The following EDAR variants were observed in gnomAD, a reference collection of about 807,000 sequenced individuals.
EDAR encodes the protein ectodysplasin A receptor.
Under a neutral mutation model 51.3 loss-of-function variants are expected in EDAR, and 38 were observed. The observed-to-expected ratio is 0.74, with a 90% CI of 0.57 to 0.97. The LOEUF is 0.97. Among genes scored for constraint, EDAR ranks in the 50% least tolerant of loss-of-function variants. EDAR has a pLI of 0.00. For synonymous variants in EDAR, 227 were observed against 242.1 expected, an observed-to-expected ratio of 0.94 and a Z score of 0.58; for missense variants, 528 against 595.0, an observed-to-expected ratio of 0.89 and a Z score of 1.17.
At chr2:108,907,758 A>G in intron 10 of EDAR, 102 bp downstream of exon 10, 1 of 1,383,734 alleles carries the variant, frequency 7.2e-7, no homozygotes, top group Non-Finnish European at 1.0e-6. Flanking sequence ...TGGGAGAAAC[A>G]CCCCGTCTTG....
At chr2:108,903,449 A>T (rs1313304110) in intron 11 of EDAR, among the ~76,000 whole-genome samples, 1 of 152,176 alleles carries the variant, frequency 6.6e-6, no homozygotes, top group Non-Finnish European at 1.5e-5. Context: ...TGAAAAAAAA[A>T]TAAAGGAAAA....
intron 1 of EDAR, among the ~76,000 whole-genome samples, chr2:108,943,100 A>G (rs1697640360): frequency 6.6e-6 from 1 of 152,162 alleles, no homozygotes; most frequent in Non-Finnish European, 1.5e-5. Context: ...GAGTCCCAGC[A>G]TGAAGCAAAG....
chr2:108,930,242 C>G lies in EDAR; in HGVS notation c.52G>C (p.Val18Leu). 1.9e-6 allele frequency: 3 copies of G among 1,614,102 alleles called. No homozygotes were observed. Among genetic ancestry groups the G allele is most frequent in the Non-Finnish European group, 1.7e-6 (2 of 1,180,016 alleles). ...GCTCGGGCTGAGCACATCAGAGACACCTGCCAACAAAGGGGGGTGTTGTGG... is the reference window on the plus strand; with the variant it reads ...GCTCGGGCTGAGCACATCAGAGACAGCTGCCAACAAAGGGGGGTGTTGTGG... ...TQTPWLPVLV[V>L]SLMCSARAEY... is the part of the protein sequence containing the mutation. Residue 18 changes from valine (V) to leucine (L), a missense_variant and splice_region_variant, in exon 3 of 12, where the codon GTG becomes CTG. Transcript: ENST00000258443.
In EDAR at chr2:108,912,694, G is replaced by A. The variant is rs765147807; in HGVS notation, c.513C>T (p.Phe171=). Residue 171 remains phenylalanine (F), a synonymous_variant, in exon 6 of 12, where the codon TTC becomes TTT. Transcript: ENST00000258443. The stretch of plus-strand genomic sequence containing the variant: ...CCTCCTCACCTTTGTGGGCGTGCTG[G>A]AAGGGAGACAGGGTGCTGCTGCCCG... The part of the protein sequence containing the change: ...GTSGSSTLSP[F]QHAHKELSGQ... 4 of 1,597,856 alleles carry A rather than the reference G, an allele frequency of 2.5e-6. No individual in the cohort carries two copies. The highest frequency in any genetic ancestry group is 3.4e-5 in the Admixed American group (2 of 58,004).
intron 6 of EDAR, among the ~76,000 whole-genome samples, chr2:108,911,469 C>T (rs78382842): frequency 0.033 from 4,954 of 152,218 alleles, 262 homozygotes; most frequent in African/African-American, 0.11. Context: ...AGTCAGGATG[C>T]GAAAGTCAGC....
intron 11 of EDAR, 102 bp downstream of exon 11, chr2:108,906,206 G>T: frequency 8.1e-7 from 1 of 1,232,824 alleles, no homozygotes; most frequent in Non-Finnish European, 1.2e-6. Flanking sequence ...CTGGATGGGC[G>T]GCTTCCCTCA....
intron 9 of EDAR, among the ~76,000 whole-genome samples, chr2:108,910,078 G>A (rs150341284): frequency 6.6e-6 from 1 of 152,338 alleles, no homozygotes; most frequent in Non-Finnish European, 1.5e-5. Flanking sequence ...CCAGCATTAC[G>A]GTGGCAGCAG....
At position 108,930,138 on chromosome 2, in the gene EDAR, C is replaced by T. The variant is rs3749101; in HGVS notation, c.156G>A (p.Pro52=). The T allele has an allele frequency of 1.9e-4, 311 of 1,613,844 alleles. 2 individuals are homozygous for T. The East Asian group carries it at 4.0e-3, about 21-fold the overall frequency. The part of the protein sequence containing the change: ...GLCQECPPCG[P]GEEPYLSCGY... The stretch of plus-strand genomic sequence containing the variant: ...TCCTTACCAGGTAGGGCTCCTCTCC[C>T]GGCCCACACGGGGGGCACTCCTGGC... Residue 52 remains proline, a synonymous_variant, in exon 3 of 12, where the codon CCG becomes CCA. Coordinates refer to ENST00000258443, the MANE Select transcript of EDAR (RefSeq NM_022336.4).
At chr2:108,977,961 G>A (rs1698354302) in intron 1 of EDAR, among the ~76,000 whole-genome samples, 1 of 152,210 alleles carries the variant, frequency 6.6e-6, no homozygotes, top group South Asian at 2.1e-4. Flanking sequence ...CTCTGTGGAT[G>A]CAGATGAAAC....
chr2:108,970,518 C>T (rs1356015647), intron 1 of EDAR, among the ~76,000 whole-genome samples: 1 of 152,008 alleles, frequency 6.6e-6, no homozygotes, highest in Non-Finnish European at 1.5e-5. Flanking sequence ...GGAGCTGGGG[C>T]CTCTGGACGG....
rs1697325392 is a variant in EDAR, at chr2:108,929,509, T to C, written c.175-130A>G. 3 of 990,368 alleles carry C rather than the reference T, an allele frequency of 3.0e-6. No individual in the cohort carries two copies. The Admixed American group carries it at 5.9e-5, about 19-fold the overall frequency. 61.3% of individuals were successfully genotyped at this position (990,368 alleles called of 1,614,324 possible). On this transcript the variant is annotated intron_variant, in intron 3 of 11. Coordinates refer to ENST00000258443, the MANE Select transcript of EDAR (RefSeq NM_022336.4). ...CTACTCTTGCCGGGCCTTGGTTTCC[T>C]GAGTTGTCCTAACTGCAAAACCCCC...
intron 11 of EDAR, among the ~76,000 whole-genome samples, chr2:108,901,728 A>G (rs1696702769): frequency 6.6e-6 from 1 of 152,218 alleles, no homozygotes; most frequent in Non-Finnish European, 1.5e-5. Context: ...TCCTCAAAAA[A>G]CATAAACTAT....
intron 1 of EDAR, among the ~76,000 whole-genome samples, chr2:108,944,232 G>A (rs753556903): frequency 9.2e-5 from 14 of 152,278 alleles, no homozygotes; most frequent in Admixed American, 1.3e-4. Context: ...TCCTGCCTCA[G>A]TCTCCCAAGT....
chr2:108,941,101 C>T (rs964091663), intron 1 of EDAR, among the ~76,000 whole-genome samples: 27 of 152,180 alleles, frequency 1.8e-4, no homozygotes, highest in African/African-American at 5.3e-4. Context: ...TACATGGAAT[C>T]GGGCAGCTGG....
intron 1 of EDAR, among the ~76,000 whole-genome samples, chr2:108,933,669 T>C (rs1251282192): frequency 6.6e-6 from 1 of 152,182 alleles, no homozygotes; most frequent in Non-Finnish European, 1.5e-5. Flanking sequence ...AAACACTAAA[T>C]GGACTGAGGC....
At chr2:108,914,044 T>C (rs1696982900) in intron 5 of EDAR, among the ~76,000 whole-genome samples, 1 of 151,408 alleles carries the variant, frequency 6.6e-6, no homozygotes, top group Non-Finnish European at 1.5e-5. Flanking sequence ...GTGGATCACT[T>C]GAGGTCAGGA....
At chr2:108,980,008 C>T (rs138735040) in intron 1 of EDAR, among the ~76,000 whole-genome samples, 137 of 150,002 alleles carry the variant, frequency 9.1e-4, no homozygotes, top group African/African-American at 3.1e-3. Flanking sequence ...CAGTGTGATG[C>T]ATTCACCTCT....
chr2:108,970,891 G>A (rs1423476471), intron 1 of EDAR, among the ~76,000 whole-genome samples: 1 of 152,188 alleles, frequency 6.6e-6, no homozygotes, highest in East Asian at 1.9e-4. Flanking sequence ...ACAAATACAA[G>A]TGATAGATTT....
chr2:108,935,078 C>A (rs540328453), intron 1 of EDAR, among the ~76,000 whole-genome samples: 6 of 152,202 alleles, frequency 3.9e-5, no homozygotes, highest in African/African-American at 1.4e-4. Flanking sequence ...TATAAGAGAC[C>A]GCATGACCAG....
Sources: allele counts gnomAD v4.1 joint callset (sites outside exome capture counted in the v4.1 genomes callset), GRCh38; gene constraint gnomAD v4.1.1; transcripts MANE v1.5; gene names NCBI Gene and HGNC (gene_info 2026-07-23, HGNC 2026-07-21).